The following ASZ1 variants were observed in gnomAD, a reference collection of about 807,000 sequenced individuals.
The protein encoded by ASZ1 is ankyrin repeat, SAM and basic leucine zipper domain containing 1.
A neutral mutation model predicts 61.8 loss-of-function variants in ASZ1; 67 were observed. The observed-to-expected ratio is 1.08, with a 90% confidence interval of 0.89 to 1.33. The LOEUF is 1.33. Among genes scored for constraint, ASZ1 ranks in the 40% most tolerant of loss-of-function variants. ASZ1 has a pLI of 0.00. For synonymous variants in ASZ1, 193 were observed against 192.7 expected (o/e 1.00, Z -0.01); for missense variants, 577 against 554.5 (o/e 1.04, Z -0.41).
chr7:117,402,763 C>T (rs958452597), intron 4 of ASZ1, among the ~76,000 whole-genome samples: 1 of 152,088 alleles, frequency 6.6e-6, no homozygotes, highest in African/African-American at 2.4e-5. Flanking sequence ...GGTAGTCCTA[C>T]GCCTTATCTA....
At chr7:117,367,947 T>A in intron 11 of ASZ1, 1 of 865,054 alleles carries the variant, frequency 1.2e-6, no homozygotes. Flanking sequence ...AGTGGTGCAA[T>A]CATGGCTCAC....
At chr7:117,412,305 C>T (rs2116521080) in intron 4 of ASZ1, among the ~76,000 whole-genome samples, 1 of 151,848 alleles carries the variant, frequency 6.6e-6, no homozygotes, top group South Asian at 2.1e-4. Context: ...AAAACTACAA[C>T]ATAAATGACA....
At chr7:117,390,715 TTTTTTTG>T (rs1796448611) in intron 4 of ASZ1, among the ~76,000 whole-genome samples, 1 of 152,144 alleles carries the variant, frequency 6.6e-6, no homozygotes, top group Non-Finnish European at 1.5e-5. Flanking sequence ...CTTTTAATTA[TTTTTTTG>T]AGAAGAAGCC....
intron 2 of ASZ1, among the ~76,000 whole-genome samples, chr7:117,424,605 T>C (rs1392218377): frequency 6.6e-6 from 1 of 152,206 alleles, no homozygotes; most frequent in Admixed American, 6.5e-5. Flanking sequence ...AGCTCACATC[T>C]GCCCATCAAT....
intron 4 of ASZ1, among the ~76,000 whole-genome samples, chr7:117,418,173 A>G (rs938325198): frequency 2.0e-5 from 3 of 152,348 alleles, no homozygotes; most frequent in African/African-American, 7.2e-5. Context: ...GGAAAAAAAG[A>G]AAGTGAAGAG....
At position 117,426,852 on chromosome 7, in the gene ASZ1, C is replaced by G. The variant is rs1797227603; in HGVS notation, c.189G>C (p.Gln63His). The change falls in exon 2 of 13, where the codon CAG becomes CAC. Residue 63 changes from glutamine (Q) to histidine (H), a missense_variant. Gln to His is a conservative substitution (Grantham distance 24). Transcript: ENST00000284629. ...ATCTCTCACCAGAATCTAGGAGCTC[C>G]TGGACCAATGAAACATCTCCGATGG... ...AMTIGDVSLV[Q>H]ELLDSGISVD... 6.2e-7 allele frequency: 1 copy of G among 1,613,006 alleles called. No individual in the cohort carries two copies. The highest frequency in any genetic ancestry group is 1.7e-5 in the Admixed American group (1 of 59,818).
intron 11 of ASZ1, chr7:117,368,404 T>C: frequency 8.1e-7 from 1 of 1,229,288 alleles, no homozygotes; most frequent in African/African-American, 1.6e-5. Flanking sequence ...CTCATTTTCT[T>C]TTTCTTGAAG....
chr7:117,426,899 CTTTCT>C lies in ASZ1; in HGVS notation c.137_141del (p.Lys46ArgfsTer4). Reference sequence around the variant, plus strand: ...ATGGTCATTGCTTTCTTAAATTTTTCTTTCTTTTCTTCAATGGGTAATAGCCTTTT... The same window carrying C: ...ATGGTCATTGCTTTCTTAAATTTTTCTTTCTTCAATGGGTAATAGCCTTTT... On this transcript the variant is annotated frameshift_variant, in exon 2 of 13. Coordinates refer to ENST00000284629, the MANE Select transcript of ASZ1 (RefSeq NM_130768.3). LOFTEE classifies it high-confidence loss of function. 6.2e-7 allele frequency: 1 copy of C among 1,612,934 alleles called. No individual in the cohort carries two copies. Among genetic ancestry groups the C allele is most frequent in the East Asian group, 2.2e-5 (1 of 44,862 alleles).
chr7:117,380,441 A>G (rs1249902428), intron 9 of ASZ1, among the ~76,000 whole-genome samples: 1 of 151,856 alleles, frequency 6.6e-6, no homozygotes, highest in Non-Finnish European at 1.5e-5. Context: ...CTTTAGTGTT[A>G]AACTAAATTT....
chr7:117,372,368 C>T (rs912655262), intron 10 of ASZ1, among the ~76,000 whole-genome samples: 5 of 152,110 alleles, frequency 3.3e-5, no homozygotes, highest in African/African-American at 1.2e-4. Flanking sequence ...TGAACAGAAG[C>T]TTCAAGAGCC....
At chr7:117,407,648 T>C (rs1413415624) in intron 4 of ASZ1, among the ~76,000 whole-genome samples, 1 of 152,222 alleles carries the variant, frequency 6.6e-6, no homozygotes, top group South Asian at 2.1e-4. Flanking sequence ...GTAAATGTGA[T>C]CTTTCTCTCA....
intron 4 of ASZ1, among the ~76,000 whole-genome samples, chr7:117,408,859 G>A (rs1005177194): frequency 1.3e-5 from 2 of 152,082 alleles, no homozygotes; most frequent in African/African-American, 4.8e-5. Context: ...AGGGGCCTAA[G>A]GGAGATTCCT....
intron 11 of ASZ1, chr7:117,367,759 T>G: frequency 1.0e-6 from 1 of 958,772 alleles, no homozygotes; most frequent in East Asian, 8.9e-5. Flanking sequence ...AAAATGATGA[T>G]TCTCATATTA....
intron 3 of ASZ1, among the ~76,000 whole-genome samples, chr7:117,420,849 C>T (rs1797086953): frequency 6.6e-6 from 1 of 152,158 alleles, no homozygotes; most frequent in African/African-American, 2.4e-5. Context: ...CAAAAAACAC[C>T]TATTTTGAAT....
intron 10 of ASZ1, among the ~76,000 whole-genome samples, chr7:117,376,104 A>G (rs1361437263): frequency 6.6e-6 from 1 of 152,078 alleles, no homozygotes; most frequent in Non-Finnish European, 1.5e-5. Context: ...GAAATCGCCA[A>G]TATAAAGAAT....
At chr7:117,413,064 T>C (rs1796926696) in intron 4 of ASZ1, among the ~76,000 whole-genome samples, 1 of 151,876 alleles carries the variant, frequency 6.6e-6, no homozygotes, top group Non-Finnish European at 1.5e-5. Flanking sequence ...AGTGAAAATA[T>C]TCAACTATAA....
At chr7:117,395,936 A>T (rs1189521722) in intron 4 of ASZ1, among the ~76,000 whole-genome samples, 4 of 152,164 alleles carry the variant, frequency 2.6e-5, no homozygotes, top group African/African-American at 7.2e-5. Context: ...TCATGAACAT[A>T]GCCATAGACA....
intron 7 of ASZ1, among the ~76,000 whole-genome samples, chr7:117,382,374 T>A (rs12537601): frequency 0.11 from 17,051 of 152,074 alleles, 1,536 homozygotes; most frequent in East Asian, 0.45. Context: ...TGCCAGTATG[T>A]ACTCCTTGTG....
chr7:117,404,809 T>C (rs192450409), intron 4 of ASZ1, among the ~76,000 whole-genome samples: 2 of 152,250 alleles, frequency 1.3e-5, no homozygotes, highest in Admixed American at 1.3e-4. Flanking sequence ...GATGGTCTGA[T>C]CCCCATGATT....
Sources: allele counts gnomAD v4.1 joint callset (sites outside exome capture counted in the v4.1 genomes callset), GRCh38; gene constraint gnomAD v4.1.1; transcripts MANE v1.5; gene names NCBI Gene and HGNC (gene_info 2026-07-23, HGNC 2026-07-21).